Variants in PDE1C observed in about 807,000 individuals in gnomAD.
PDE1C encodes the protein dual specificity calcium/calmodulin-dependent 3',5'-cyclic nucleotide phosphodiesterase 1C.
A neutral mutation model predicts 93.1 loss-of-function variants in PDE1C; 62 were observed. That is an observed-to-expected ratio of 0.67 (90% CI 0.54 to 0.82). PDE1C has a LOEUF of 0.82. PDE1C is among the 40% of genes least tolerant of loss of function. The pLI, the probability that PDE1C is intolerant of heterozygous loss-of-function variation, is 0.00. For missense variants in PDE1C, 742 were observed against 884.6 expected, an observed-to-expected ratio of 0.84 and a Z score of 2.04; for synonymous variants, 325 against 310.1, an observed-to-expected ratio of 1.05 and a Z score of -0.50.
At chr7:31,964,806 T>C (rs1176457794) in intron 2 of PDE1C, among the ~76,000 whole-genome samples, 1 of 152,156 alleles carries the variant, frequency 6.6e-6, no homozygotes, top group Non-Finnish European at 1.5e-5. Context: ...CACCAATATA[T>C]GCTGTTCCGC....
intron 1 of PDE1C, among the ~76,000 whole-genome samples, chr7:32,393,030 C>G (rs1010442518): frequency 5.5e-5 from 6 of 108,190 alleles, no homozygotes; most frequent in Non-Finnish European, 1.0e-4. Context: ...GCCTGGGCAA[C>G]AGAGCGAGAC....
chr7:32,240,687 A>T (rs1808481698), intron 1 of PDE1C, among the ~76,000 whole-genome samples: 1 of 152,132 alleles, frequency 6.6e-6, no homozygotes. Flanking sequence ...GAACAAGACA[A>T]GATGGGGTCC....
At chr7:32,022,490 T>G (rs1237966163) in intron 2 of PDE1C, among the ~76,000 whole-genome samples, 1 of 151,990 alleles carries the variant, frequency 6.6e-6, no homozygotes, top group Admixed American at 6.6e-5. Context: ...CAAGGAGAAG[T>G]CATGAATGTG....
At chr7:32,066,684 A>G (rs1402247719) in intron 1 of PDE1C, among the ~76,000 whole-genome samples, 1 of 152,166 alleles carries the variant, frequency 6.6e-6, no homozygotes, top group Non-Finnish European at 1.5e-5. Context: ...AGGGGTATAT[A>G]GAACACCCAC....
chr7:31,641,563 G>A, the PDE1C span, among the ~76,000 whole-genome samples: 251 of 152,220 alleles, frequency 1.6e-3, no homozygotes, highest in Middle Eastern at 0.014. Flanking sequence ...TAATATTTAC[G>A]TAAGAATCTA....
At chr7:32,374,241 G>A (rs375482629) in intron 1 of PDE1C, among the ~76,000 whole-genome samples, 39 of 100,210 alleles carry the variant, frequency 3.9e-4, no homozygotes, top group African/African-American at 1.3e-3. Context: ...AAAGAAAGAA[G>A]GAAGGAAAGG....
chr7:31,776,122 C>A (rs1431908906), intron 16 of PDE1C, among the ~76,000 whole-genome samples: 5 of 152,130 alleles, frequency 3.3e-5, no homozygotes, highest in Admixed American at 3.3e-4. Context: ...CAGGATGGAA[C>A]AGGATGGAGG....
In PDE1C at chr7:32,207,057, T is replaced by C. The variant is rs138560645; in HGVS notation, c.136+2432A>G. Among the ~76,000 whole-genome samples the C allele has an allele frequency of 3.9e-3, 598 of 152,258 alleles. 3 individuals are homozygous for C. Among genetic ancestry groups the C allele is most frequent in the African/African-American group, 0.013 (558 of 41,534 alleles). On this transcript the variant is annotated intron_variant, in intron 2 of 18. Transcript: ENST00000396193. ...GATGCTCTAACTGAAGTCAGGTTGA[T>C]TGGAAGCCACTGCTTGAGCCTGCAA...
chr7:31,984,034 G>A (rs1413677463), intron 2 of PDE1C, among the ~76,000 whole-genome samples: 1 of 152,098 alleles, frequency 6.6e-6, no homozygotes, highest in East Asian at 1.9e-4. Flanking sequence ...GGGGTGTGAG[G>A]CACGTTCAAA....
chr7:31,622,232 C>A, the PDE1C span, among the ~76,000 whole-genome samples: 275 of 146,874 alleles, frequency 1.9e-3, 1 homozygote, highest in African/African-American at 6.4e-3. Flanking sequence ...CAGGAATTGA[C>A]CTCAGCTCTG....
At chr7:31,695,565 A>C in the PDE1C span, 2 of 1,609,046 alleles carry the variant, frequency 1.2e-6, no homozygotes, top group Non-Finnish European at 1.7e-6. Flanking sequence ...GAGTCAGACC[A>C]AAAAAAACCA....
the PDE1C span, among the ~76,000 whole-genome samples, chr7:31,660,425 G>C: frequency 6.6e-6 from 1 of 151,950 alleles, no homozygotes; most frequent in Non-Finnish European, 1.5e-5. Context: ...ATACATAATA[G>C]AAATTTCTTT....
chr7:31,967,256 A>G (rs538559581), intron 2 of PDE1C, among the ~76,000 whole-genome samples: 13 of 152,366 alleles, frequency 8.5e-5, no homozygotes, highest in Admixed American at 2.0e-4. Context: ...AAACAGACGC[A>G]ATAAAAAGTG....
chr7:31,629,647 G>A, the PDE1C span, among the ~76,000 whole-genome samples: 1 of 152,214 alleles, frequency 6.6e-6, no homozygotes, highest in Non-Finnish European at 1.5e-5. Flanking sequence ...TGGGTCCATA[G>A]AGAATGTTTT....
intron 1 of PDE1C, among the ~76,000 whole-genome samples, chr7:32,411,188 A>G (rs1262917299): frequency 6.6e-6 from 1 of 152,278 alleles, no homozygotes; most frequent in Non-Finnish European, 1.5e-5. Context: ...GATAGACTCC[A>G]AACCAAATTA....
At chr7:32,305,294 C>A (rs1812971702) in intron 1 of PDE1C, among the ~76,000 whole-genome samples, 1 of 152,172 alleles carries the variant, frequency 6.6e-6, no homozygotes, top group African/African-American at 2.4e-5. Context: ...CTTCTGTTCC[C>A]TGGGCATCCA....
the PDE1C span, among the ~76,000 whole-genome samples, chr7:31,716,618 G>A: frequency 5.3e-5 from 8 of 152,220 alleles, no homozygotes; most frequent in South Asian, 2.1e-4. Context: ...GTCTGAGGGT[G>A]AGTGGTCACT....
At chr7:32,280,738 G>T (rs1309786545) in intron 1 of PDE1C, among the ~76,000 whole-genome samples, 1 of 152,198 alleles carries the variant, frequency 6.6e-6, no homozygotes, top group African/African-American at 2.4e-5. Flanking sequence ...GGGCGAAGTT[G>T]TTGCTTTGGG....
Position 31,850,755 on chromosome 7 carries a change from ACAGAGCAAT to A in PDE1C, c.751-23_751-15del. On this transcript the variant is annotated splice_polypyrimidine_tract_variant and intron_variant, in intron 7 of 17. Coordinates refer to ENST00000396191, the MANE Select transcript of PDE1C (RefSeq NM_001191057.4). ...CGTCAGCCAGTTCTGAAAGGAGATT[ACAGAGCAAT>A]CAGATAATCTGTTTCTTTCTCAAAG... The A allele has an allele frequency of 6.4e-7, 1 of 1,560,952 alleles. No individual in the cohort carries two copies.
Sources: allele counts gnomAD v4.1 joint callset (sites outside exome capture counted in the v4.1 genomes callset), GRCh38; gene constraint gnomAD v4.1.1; transcripts MANE v1.5; gene names NCBI Gene and HGNC (gene_info 2026-07-23, HGNC 2026-07-21).